The following ARHGAP35 variants were observed in gnomAD, a reference collection of about 807,000 sequenced individuals.
The protein encoded by ARHGAP35 is rho GTPase-activating protein 35.
Under a neutral mutation model 111.1 loss-of-function variants are expected in ARHGAP35, and 15 were observed. The ratio of observed to expected loss-of-function variants is 0.13; its 90% confidence interval spans 0.09 to 0.21. The LOEUF (loss-of-function observed/expected upper bound fraction) is 0.21, where lower values mean the gene tolerates loss of function less well. Among genes scored for constraint, ARHGAP35 ranks in the 10% least tolerant of loss-of-function variants. The pLI, the probability that ARHGAP35 is intolerant of heterozygous loss-of-function variation, is 1.00. For missense variants in ARHGAP35, 1,262 were observed against 1,873.0 expected (o/e 0.67, Z 6.02); for synonymous variants, 643 against 710.3 (o/e 0.91, Z 1.51).
chr19:46,919,689 G>A lies in ARHGAP35; in HGVS notation c.1014G>A (p.Lys338=). ...LKHEHIERRR[K]LYLAALPLAF... is the part of the protein sequence containing the mutation. Reference sequence around the variant, plus strand: ...ATGAGCATATCGAGCGTAGGAGAAAGCTGTACCTGGCAGCCCTGCCATTAG... The same window carrying A: ...ATGAGCATATCGAGCGTAGGAGAAAACTGTACCTGGCAGCCCTGCCATTAG... The change falls in exon 2 of 7, where the codon AAG becomes AAA. Residue 338 remains lysine, a synonymous_variant. Coordinates refer to ENST00000672722, the MANE Select transcript of ARHGAP35 (RefSeq NM_004491.5). The surrounding 1 kb of genome is among the most constrained non-coding windows in gnomAD (Gnocchi z 6.2). 4 of 1,613,982 alleles carry A rather than the reference G, an allele frequency of 2.5e-6. No homozygotes were observed. The highest frequency in any genetic ancestry group is 2.5e-6 in the Non-Finnish European group (3 of 1,179,884).
chr19:46,990,168 C>G (rs1336474903), intron 5 of ARHGAP35, among the ~76,000 whole-genome samples: 1 of 152,240 alleles, frequency 6.6e-6, no homozygotes, highest in East Asian at 1.9e-4. Flanking sequence ...CCTACAGCCT[C>G]TTAGGAAGCC....
intron 3 of ARHGAP35, among the ~76,000 whole-genome samples, chr19:46,957,227 C>T (rs1450352744): frequency 1.3e-5 from 2 of 152,138 alleles, no homozygotes; most frequent in East Asian, 1.9e-4. Flanking sequence ...TCCCAAAGTG[C>T]TGGGATTACA....
chr19:46,862,190 C>T (rs1367205535), intron 1 of ARHGAP35, among the ~76,000 whole-genome samples: 1 of 152,076 alleles, frequency 6.6e-6, no homozygotes, highest in African/African-American at 2.4e-5. Flanking sequence ...CTCTGCCTTC[C>T]CGGGAAGCAG....
Position 46,888,290 on chromosome 19 carries a change from AT to A in ARHGAP35, c.-189+27082del, listed in dbSNP as rs2056004431. Reference sequence around the variant, plus strand: ...TATATATATATATATATATATATATATATATATATATATATATATATATATA... The same window carrying A: ...TATATATATATATATATATATATATAATATATATATATATATATATATATA... On this transcript the variant is annotated intron_variant, in intron 1 of 6. Transcript: ENST00000672722. 2.1e-4 allele frequency among the ~76,000 whole-genome samples: 13 copies of A among 61,902 alleles called. 1 individual carries two copies. The highest frequency in any genetic ancestry group is 4.6e-4 in the African/African-American group (6 of 13,178). 40.6% of individuals were successfully genotyped at this position (61,902 alleles called of 152,430 possible).
intron 3 of ARHGAP35, among the ~76,000 whole-genome samples, chr19:46,954,316 C>A (rs1204402193): frequency 6.6e-6 from 1 of 152,188 alleles, no homozygotes; most frequent in Non-Finnish European, 1.5e-5. Context: ...GGCAGGGGCC[C>A]CTTCTTTCCT....
At chr19:46,895,276 G>A (rs569639565) in intron 1 of ARHGAP35, among the ~76,000 whole-genome samples, 169 of 151,442 alleles carry the variant, frequency 1.1e-3, no homozygotes, top group Admixed American at 3.4e-3. Context: ...CCATTCTCCT[G>A]CTTCAGCCTC....
Position 46,922,194 on chromosome 19 carries a change from C to T in ARHGAP35, c.3519C>T (p.Thr1173=). The stretch of plus-strand genomic sequence containing the variant: ...TGGGGCGGTTTGCTAGTTACCGGAC[C>T]AGCTTCAGCGTGGGGAGTGATGATG... ...TRLGRFASYR[T]SFSVGSDDEL... is the part of the protein sequence containing the mutation. The change falls in exon 2 of 7, where the codon ACC becomes ACT. Residue 1173 remains threonine (T), a synonymous_variant. Transcript: ENST00000672722. The surrounding 1 kb of genome is among the most constrained non-coding windows in gnomAD (Gnocchi z 4.0). 1 of 1,613,954 alleles carries T rather than the reference C, an allele frequency of 6.2e-7. No individual in the cohort carries two copies. The highest frequency in any genetic ancestry group is 1.1e-5 in the South Asian group (1 of 91,082).
Position 46,994,883 on chromosome 19 carries a change from T to C in ARHGAP35, c.4037-4421T>C, listed in dbSNP as rs551801767. Among the ~76,000 whole-genome samples, 2 of 152,178 alleles carry C rather than the reference T, an allele frequency of 1.3e-5. No homozygotes were observed. Among genetic ancestry groups the C allele is most frequent in the Non-Finnish European group, 2.9e-5 (2 of 68,028 alleles). Reference sequence around the variant, plus strand: ...TCCGAGAATGAAAGAATTCGCATTGTCTGACAAGGCAAGAATGGGGCGCTG... The same window carrying C: ...TCCGAGAATGAAAGAATTCGCATTGCCTGACAAGGCAAGAATGGGGCGCTG... On this transcript the variant is annotated intron_variant, in intron 5 of 6. Transcript: ENST00000672722. The surrounding 1 kb of genome is among the most constrained non-coding windows in gnomAD (Gnocchi z 5.4).
intron 1 of ARHGAP35, among the ~76,000 whole-genome samples, chr19:46,898,108 G>A (rs1165380883): frequency 6.6e-6 from 1 of 152,090 alleles, no homozygotes; most frequent in Non-Finnish European, 1.5e-5. Context: ...CGGGCATGGT[G>A]GCGCATGCCT....
At chr19:46,869,496 G>GTT (rs895985785) in intron 1 of ARHGAP35, among the ~76,000 whole-genome samples, 5 of 150,068 alleles carry the variant, frequency 3.3e-5, no homozygotes, top group Non-Finnish European at 7.5e-5. Context: ...GTGTGTGTGT[G>GTT]TGTGTGTGTG....
intron 3 of ARHGAP35, among the ~76,000 whole-genome samples, chr19:46,959,548 C>T (rs2056464600): frequency 1.1e-4 from 16 of 151,508 alleles, no homozygotes; most frequent in Admixed American, 1.1e-3. Context: ...TACAGGCACC[C>T]GCTACTACGC....
chr19:46,968,412 A>G (rs1355588401), intron 3 of ARHGAP35, among the ~76,000 whole-genome samples: 2 of 152,218 alleles, frequency 1.3e-5, no homozygotes, highest in African/African-American at 4.8e-5. Context: ...TCCACCGGCA[A>G]GGCTAATGGG....
At position 46,992,400 on chromosome 19, in the gene ARHGAP35, G is replaced by A. The variant is rs1017621798; in HGVS notation, c.4036+2725G>A. Among the ~76,000 whole-genome samples, 3 of 152,216 alleles carry A rather than the reference G, an allele frequency of 2.0e-5. No individual in the cohort carries two copies. The highest frequency in any genetic ancestry group is 2.9e-5 in the Non-Finnish European group (2 of 68,032). ...GCACAAACCCCAGCAAGGAAGGCGC[G>A]AGGAAGAGGGCTTCACAGGGGAGAT... is the stretch of plus-strand genomic sequence containing the variant. On this transcript the variant is annotated intron_variant, in intron 5 of 6. Transcript: ENST00000672722. This position sits in a 1 kb window ranked among gnomAD's most constrained non-coding sequence, Gnocchi z 4.4.
At chr19:46,933,301 A>G (rs2056284243) in intron 2 of ARHGAP35, among the ~76,000 whole-genome samples, 1 of 151,028 alleles carries the variant, frequency 6.6e-6, no homozygotes, top group African/African-American at 2.4e-5. Context: ...GCATCACCAC[A>G]CCCAGATAAT....
intron 3 of ARHGAP35, among the ~76,000 whole-genome samples, chr19:46,974,303 T>C (rs529855357): frequency 9.9e-5 from 15 of 152,248 alleles, no homozygotes; most frequent in Admixed American, 2.6e-4. Context: ...AGACTGCCCT[T>C]CAGATGCCAG....
intron 5 of ARHGAP35, among the ~76,000 whole-genome samples, chr19:46,996,865 A>AGT (rs1322511720): frequency 6.6e-6 from 1 of 152,228 alleles, no homozygotes; most frequent in Non-Finnish European, 1.5e-5. Flanking sequence ...CGTAGAAAAG[A>AGT]GTGTGCCCAT....
chr19:46,872,107 T>G (rs574723250), intron 1 of ARHGAP35, among the ~76,000 whole-genome samples: 2 of 152,240 alleles, frequency 1.3e-5, no homozygotes, highest in South Asian at 4.1e-4. Context: ...AATCTAAATG[T>G]TTTAACCTTA....
intron 1 of ARHGAP35, among the ~76,000 whole-genome samples, chr19:46,912,151 C>T (rs560687149): frequency 1.3e-5 from 2 of 149,098 alleles, no homozygotes; most frequent in South Asian, 4.3e-4. Flanking sequence ...TCTAGCGATT[C>T]TCCTGTCTCA....
chr19:47,001,058 G>A lies in ARHGAP35; in HGVS notation c.*370G>A. The A allele has an allele frequency of 1.5e-6, 2 of 1,337,038 alleles. No homozygotes were observed. The highest frequency in any genetic ancestry group is 2.0e-6 in the Non-Finnish European group (2 of 1,024,544). 82.8% of individuals were successfully genotyped at this position (1,337,038 alleles called of 1,614,324 possible). ...GGGACAGTGCCCTGGCCTTTGCCGG[G>A]GAGGAGGATGCTCTGAGATTCAGGG... On this transcript the variant is annotated 3_prime_UTR_variant, in exon 7 of 7. Transcript: ENST00000672722. This position sits in a 1 kb window ranked among gnomAD's most constrained non-coding sequence, Gnocchi z 5.4.
Sources: allele counts gnomAD v4.1 joint callset (sites outside exome capture counted in the v4.1 genomes callset), GRCh38; gene constraint gnomAD v4.1.1; non-coding constraint Gnocchi (gnomAD v3.1); transcripts MANE v1.5; gene names NCBI Gene and HGNC (gene_info 2026-07-23, HGNC 2026-07-21).